PSG5: variants seen among roughly 807,000 people sequenced by gnomAD.
The protein encoded by PSG5 is pregnancy specific beta-1-glycoprotein 5.
Under a neutral mutation model 37.7 loss-of-function variants are expected in PSG5, and 53 were observed. That is an observed-to-expected ratio of 1.41 (90% CI 1.13 to 1.77). The LOEUF (loss-of-function observed/expected upper bound fraction) is 1.77. Ranked by LOEUF, PSG5 falls within the 40% of genes most tolerant of loss-of-function variation. PSG5 has a pLI of 0.00. For missense variants in PSG5, 547 were observed against 405.2 expected, an observed-to-expected ratio of 1.35 and a Z score of -3.00; for synonymous variants, 221 against 155.4, an observed-to-expected ratio of 1.42 and a Z score of -3.14.
At position 43,186,287 on chromosome 19, in the gene PSG5, A is replaced by C. The variant is rs528710900; in HGVS notation, c.64+55T>G. The stretch of plus-strand genomic sequence containing the variant: ...GAACCCCATCCTCTCCAGGAGACCC[A>C]ATCCAGTCACTCTTCTTCCTCCTCC... On this transcript the variant is annotated intron_variant, in intron 1 of 5. Transcript: ENST00000342951. 1,963 of 1,609,342 alleles carry C rather than the reference A, an allele frequency of 1.2e-3. 42 individuals are homozygous for C. Among genetic ancestry groups the C allele is most frequent in the Admixed American group, 1.7e-3 (103 of 59,808 alleles).
At chr19:43,172,616 AT>A (rs1270272085) in intron 4 of PSG5, among the ~76,000 whole-genome samples, 2 of 151,710 alleles carry the variant, frequency 1.3e-5, no homozygotes, top group Non-Finnish European at 2.9e-5. Context: ...ATTAAGAAAA[AT>A]AATTTCAATT....
At chr19:43,178,804 G>A in intron 2 of PSG5, 2 of 1,610,576 alleles carry the variant, frequency 1.2e-6, no homozygotes, top group Non-Finnish European at 1.7e-6. Context: ...ACCTGAGAGG[G>A]ACTGAGAGGC....
At position 43,169,925 on chromosome 19, in the gene PSG5, T is replaced by A. The variant is rs4028467; in HGVS notation, c.*40+130A>T. 122 of 576,146 alleles carry A rather than the reference T, an allele frequency of 2.1e-4. 2 individuals are homozygous for A. The highest frequency in any genetic ancestry group is 2.1e-3 in the African/African-American group (109 of 52,132). The allele number at this position is 576,146 out of a possible 1,614,324, so 35.7% of individuals were successfully genotyped here. A position where few individuals can be genotyped will look rare whatever the true frequency, so the allele number is the denominator to read the frequency against. ...GAGAAAGGGAACTGCAGGAATTAGT[T>A]CTGAGAAGCAGGAGTTTAGTGGAGG... On this transcript the variant is annotated intron_variant, in intron 5 of 5. Coordinates refer to ENST00000342951, the MANE Select transcript of PSG5 (RefSeq NM_002781.4).
At chr19:43,185,229 C>T in intron 1 of PSG5, 82 bp from the exon 2 acceptor site, 2 of 1,439,994 alleles carry the variant, frequency 1.4e-6, no homozygotes, top group South Asian at 2.7e-5. Context: ...CTGAGAAGGT[C>T]TCTTCAATCC....
chr19:43,173,847 C>T (rs1368021073), intron 4 of PSG5, among the ~76,000 whole-genome samples: 1 of 151,422 alleles, frequency 6.6e-6, no homozygotes, highest in East Asian at 1.9e-4. Context: ...ACCATTTGAT[C>T]CAGCAATTCC....
chr19:43,180,604 C>G (rs561525312), intron 2 of PSG5: 1 of 151,070 alleles, frequency 6.6e-6, no homozygotes, highest in Admixed American at 6.6e-5. Flanking sequence ...ACTCTAGTAA[C>G]AAAAAAAATT....
In PSG5 at chr19:43,176,017, G is replaced by A. The variant is rs750608331; in HGVS notation, c.562C>T (p.Pro188Ser). 2.5e-6 allele frequency: 4 copies of A among 1,610,986 alleles called. No homozygotes were observed. The African/African-American group carries it at 4.0e-5, about 16-fold the overall frequency. Residue 188 changes from proline (P) to serine (S), a missense_variant, in exon 3 of 6, where the codon CCG becomes TCG. Transcript: ENST00000342951. ...YIWWLNGQSLPVSPRVKRPIE... is the reference protein window; with the variant it reads ...YIWWLNGQSLSVSPRVKRPIE... The stretch of plus-strand genomic sequence containing the variant: ...GGTCGCTTTACCCTGGGACTGACCG[G>A]GAGGCTCTGACCATTTAGCCACCAA...
chr19:43,179,774 A>C (rs1483310810), intron 2 of PSG5, among the ~76,000 whole-genome samples: 6 of 151,658 alleles, frequency 4.0e-5, no homozygotes, highest in Admixed American at 3.9e-4. Context: ...ATAGTGACTG[A>C]CTTGAGCCAG....
intron 2 of PSG5, among the ~76,000 whole-genome samples, chr19:43,177,919 G>A (rs924327290): frequency 7.7e-6 from 1 of 130,376 alleles, no homozygotes; most frequent in Admixed American, 7.8e-5. Context: ...TAGTTTTCAG[G>A]GTATAATCAT....
At chr19:43,179,474 G>A (rs1187543771) in intron 2 of PSG5, among the ~76,000 whole-genome samples, 1 of 151,662 alleles carries the variant, frequency 6.6e-6, no homozygotes, top group African/African-American at 2.4e-5. Context: ...CTGCCTGCCT[G>A]ACCCACCTTG....
At chr19:43,173,299 A>G (rs767594126) in intron 4 of PSG5, among the ~76,000 whole-genome samples, 1 of 151,750 alleles carries the variant, frequency 6.6e-6, no homozygotes, top group Non-Finnish European at 1.5e-5. Flanking sequence ...TGGATTTCAC[A>G]ATGATTTCTT....
chr19:43,169,186 G>A (rs1968850508), intron 5 of PSG5, among the ~76,000 whole-genome samples: 1 of 151,522 alleles, frequency 6.6e-6, no homozygotes, highest in African/African-American at 2.4e-5. Flanking sequence ...ATTATTTTCA[G>A]GTCTCATTTC....
At chr19:43,175,014 C>T in intron 4 of PSG5, 1 of 1,469,748 alleles carries the variant, frequency 6.8e-7, no homozygotes, top group Non-Finnish European at 9.1e-7. Context: ...AGGCCAGACA[C>T]AAGGTCAGCC....
At chr19:43,170,496 T>C (rs1277012632) in intron 4 of PSG5, 2 of 452,366 alleles carry the variant, frequency 4.4e-6, no homozygotes, top group Non-Finnish European at 8.6e-6. Context: ...CAGCCATGAA[T>C]GAGACTCTGT....
In PSG5 at chr19:43,181,498, A is replaced by G. The variant is rs940025225; in HGVS notation, c.430+3284T>C. 6.6e-5 allele frequency among the ~76,000 whole-genome samples: 10 copies of G among 150,910 alleles called. 1 individual carries two copies. Among genetic ancestry groups the G allele is most frequent in the African/African-American group, 1.7e-4 (7 of 40,844 alleles). On this transcript the variant is annotated intron_variant, in intron 2 of 5. Transcript: ENST00000342951. Reference sequence around the variant, plus strand: ...TTCTGAGACAGAGTCTCTCTCTTTCACCCAGGCTGGAGTGCAGTGGCATGA... The same window carrying G: ...TTCTGAGACAGAGTCTCTCTCTTTCGCCCAGGCTGGAGTGCAGTGGCATGA...
intron 4 of PSG5, 22 bp downstream of exon 4, chr19:43,175,193 A>C: frequency 6.2e-7 from 1 of 1,612,478 alleles, no homozygotes; most frequent in South Asian, 1.1e-5. Context: ...CCCTATTGCC[A>C]AGGATGCTGG....
At chr19:43,170,400 G>T (rs1158410370) in intron 4 of PSG5, 93 of 472,186 alleles carry the variant, frequency 2.0e-4, no homozygotes, top group Non-Finnish European at 3.1e-4. Context: ...CATAAGAAAG[G>T]CTGATTGCTA....
intron 5 of PSG5, among the ~76,000 whole-genome samples, chr19:43,169,360 A>C (rs1968854870): frequency 6.6e-6 from 1 of 151,562 alleles, no homozygotes; most frequent in African/African-American, 2.4e-5. Flanking sequence ...GTTCTCCATG[A>C]GGTCAGATGT....
At chr19:43,181,742 T>C (rs1426874470) in intron 2 of PSG5, among the ~76,000 whole-genome samples, 1 of 151,846 alleles carries the variant, frequency 6.6e-6, no homozygotes. Context: ...CATGAGCCAC[T>C]GTGCCCAGCC....
Sources: allele counts gnomAD v4.1 joint callset (sites outside exome capture counted in the v4.1 genomes callset), GRCh38; gene constraint gnomAD v4.1.1; transcripts MANE v1.5; gene names NCBI Gene and HGNC (gene_info 2026-07-23, HGNC 2026-07-21).